The following TSPAN3 variants were observed in gnomAD, a reference collection of about 807,000 sequenced individuals.
The protein encoded by TSPAN3 is tetraspanin 3.
Under a neutral mutation model 31.1 loss-of-function variants are expected in TSPAN3, and 9 were observed. The ratio of observed to expected loss-of-function variants is 0.29; its 90% CI spans 0.17 to 0.50. The LOEUF (loss-of-function observed/expected upper bound fraction) is 0.50, where lower values mean the gene tolerates loss of function less well. TSPAN3 is among the 20% of genes least tolerant of loss of function. The pLI, the probability that TSPAN3 is intolerant of heterozygous loss-of-function variation, is 0.98. For synonymous variants in TSPAN3, 129 were observed against 114.3 expected (o/e 1.13, Z -0.82); for missense variants, 252 against 313.5 (o/e 0.80, Z 1.48).
intron 1 of TSPAN3, among the ~76,000 whole-genome samples, chr15:77,062,021 C>T (rs2076803912): frequency 6.6e-6 from 1 of 152,116 alleles, no homozygotes; most frequent in Non-Finnish European, 1.5e-5. Flanking sequence ...GCAAAAAATG[C>T]TGTACTCTAG....
In TSPAN3 at chr15:77,054,174, T is replaced by C. The variant is rs1440123551; in HGVS notation, c.432+4A>G. Reference sequence around the variant, plus strand: ...AAAAACAAATCTGCCTCAAGAAAGCTCACCTGTCTCTGTACATAATCAATA... The same window carrying C: ...AAAAACAAATCTGCCTCAAGAAAGCCCACCTGTCTCTGTACATAATCAATA... On this transcript the variant is annotated splice_donor_region_variant and intron_variant, in intron 4 of 6. Transcript: ENST00000267970. 6.2e-7 allele frequency: 1 copy of C among 1,611,598 alleles called. No homozygotes were observed. The highest frequency in any genetic ancestry group is 1.1e-5 in the South Asian group (1 of 91,004).
chr15:77,052,759 C>T lies in TSPAN3; in HGVS notation c.585+18G>A, dbSNP rs753483760. ...CAGGTTAATCAAGCTAGACTCAAGT[C>T]GTGGCCAAGAGACTCACCTCAGCAT... On this transcript the variant is annotated intron_variant, in intron 5 of 6. Transcript: ENST00000267970. The T allele has an allele frequency of 2.5e-6, 4 of 1,609,050 alleles. No homozygotes were observed. Among genetic ancestry groups the T allele is most frequent in the South Asian group, 2.2e-5 (2 of 90,926 alleles).
At chr15:77,047,078 T>C (rs897806796) in intron 6 of TSPAN3, 151 bp from the exon 7 acceptor site, 1 of 587,360 alleles carries the variant, frequency 1.7e-6, no homozygotes, top group Non-Finnish European at 3.0e-6. Flanking sequence ...GAATTTCTTA[T>C]GAGTACATTA....
Position 77,045,138 on chromosome 15 carries a change from TCTAA to T in TSPAN3, c.*1693_*1696del, listed in dbSNP as rs2076682491. On this transcript the variant is annotated 3_prime_UTR_variant, in exon 7 of 7. Transcript: ENST00000267970. Reference sequence around the variant, plus strand: ...ATGAGTCACACCCCCAGATGTGTTCTCTAACTACTCCCTAGCTCTGTGACTTTGT... The same window carrying T: ...ATGAGTCACACCCCCAGATGTGTTCTCTACTCCCTAGCTCTGTGACTTTGT... 1 of 152,190 alleles carries T rather than the reference TCTAA, an allele frequency of 6.6e-6. No homozygotes were observed. The highest frequency in any genetic ancestry group is 1.5e-5 in the Non-Finnish European group (1 of 68,054). 9.4% of individuals were successfully genotyped at this position (152,190 alleles called of 1,614,324 possible).
At chr15:77,056,886 T>C (rs145083346) in intron 1 of TSPAN3, among the ~76,000 whole-genome samples, 17 of 152,172 alleles carry the variant, frequency 1.1e-4, no homozygotes, top group Admixed American at 9.2e-4. Flanking sequence ...TTGAAGTGAA[T>C]AGGAATTGCC....
At position 77,045,481 on chromosome 15, in the gene TSPAN3, G is replaced by A. The variant is rs2076684994; in HGVS notation, c.*1354C>T. On this transcript the variant is annotated 3_prime_UTR_variant, in exon 7 of 7. Coordinates refer to ENST00000267970, the MANE Select transcript of TSPAN3 (RefSeq NM_005724.6). ...TCCAAAGAGCTGCTTCCACCTACAA[G>A]TCAGCTCTCACCTCCACAGGATGTT... The A allele has an allele frequency of 6.6e-6, 1 of 152,210 alleles. No individual in the cohort carries two copies. Among genetic ancestry groups the A allele is most frequent in the African/African-American group, 2.4e-5 (1 of 41,430 alleles). 9.4% of individuals were successfully genotyped at this position (152,210 alleles called of 1,614,324 possible). A position where few individuals can be genotyped will look rare whatever the true frequency, so the allele number is the denominator to read the frequency against.
chr15:77,054,969 A>G (rs988972571), intron 3 of TSPAN3: 4 of 152,238 alleles, frequency 2.6e-5, no homozygotes, highest in African/African-American at 9.6e-5. Context: ...TAATTACAAC[A>G]GTAATATCAT....
Position 77,046,784 on chromosome 15 carries a change from T to C in TSPAN3, c.*51A>G. 1 of 1,407,466 alleles carries C rather than the reference T, an allele frequency of 7.1e-7. No homozygotes were observed. Among genetic ancestry groups the C allele is most frequent in the East Asian group, 2.5e-5 (1 of 40,622 alleles). 87.2% of individuals were successfully genotyped at this position (1,407,466 alleles called of 1,614,324 possible). The stretch of plus-strand genomic sequence containing the variant: ...GGCCAACAGCAGCAGACCTGCTCAA[T>C]TCACCTTCCAAATCAGAACAAGACC... On this transcript the variant is annotated 3_prime_UTR_variant, in exon 7 of 7. Transcript: ENST00000267970.
chr15:77,060,947 C>T (rs1174083136), intron 1 of TSPAN3, among the ~76,000 whole-genome samples: 1 of 151,956 alleles, frequency 6.6e-6, no homozygotes, highest in Admixed American at 6.5e-5. Flanking sequence ...TTTAATAAGC[C>T]TATACTCTAA....
In TSPAN3 at chr15:77,046,915, G is replaced by C; in HGVS notation, c.682C>G (p.Leu228Val). 6.3e-7 allele frequency: 1 copy of C among 1,580,344 alleles called. No homozygotes were observed. Among genetic ancestry groups the C allele is most frequent in the Non-Finnish European group, 8.6e-7 (1 of 1,160,034 alleles). ...AFAAIQLLGMLCACIVLCRRS... is the reference protein window; with the variant it reads ...AFAAIQLLGMVCACIVLCRRS... ...CTGCACAACACGATGCAAGCACACA[G>C]CATGCCCAGCAGCTGTTGAAAGAAA... Residue 228 changes from leucine (L) to valine (V), a missense_variant, in exon 7 of 7, where the codon CTG becomes GTG. By Grantham distance (32) the Leu-to-Val change is conservative. Coordinates refer to ENST00000267970, the MANE Select transcript of TSPAN3 (RefSeq NM_005724.6).
At chr15:77,061,210 T>C (rs2076798461) in intron 1 of TSPAN3, among the ~76,000 whole-genome samples, 1 of 152,138 alleles carries the variant, frequency 6.6e-6, no homozygotes, top group African/African-American at 2.4e-5. Flanking sequence ...TCAAATATTC[T>C]ATGAAAGAGA....
chr15:77,062,993 TTA>T (rs1310963522), intron 1 of TSPAN3, among the ~76,000 whole-genome samples: 2 of 152,218 alleles, frequency 1.3e-5, no homozygotes, highest in African/African-American at 4.8e-5. Flanking sequence ...TAAAATACTT[TTA>T]GTGTCTTCTT....
At position 77,056,124 on chromosome 15, in the gene TSPAN3, G is replaced by A. The variant is rs1300318459; in HGVS notation, c.195C>T (p.Phe65=). Residue 65 remains phenylalanine (F), a synonymous_variant, in exon 2 of 7, where the codon TTC becomes TTT. Coordinates refer to ENST00000267970, the MANE Select transcript of TSPAN3 (RefSeq NM_005724.6). ...VVIIAVGALL[F]IIGLIGCCAT... ...CACAGCAGCCAATTAGCCCAATGATGAAAAGCAGGGCTCCTACAGCTATGA... is the reference window on the plus strand; with the variant it reads ...CACAGCAGCCAATTAGCCCAATGATAAAAAGCAGGGCTCCTACAGCTATGA... 3 of 1,612,676 alleles carry A rather than the reference G, an allele frequency of 1.9e-6. No homozygotes were observed. Among genetic ancestry groups the A allele is most frequent in the South Asian group, 1.1e-5 (1 of 90,780 alleles).
chr15:77,052,867 G>A lies in TSPAN3; in HGVS notation c.495C>T (p.Thr165=). 6.2e-7 allele frequency: 1 copy of A among 1,614,000 alleles called. No individual in the cohort carries two copies. The highest frequency in any genetic ancestry group is 8.5e-7 in the Non-Finnish European group (1 of 1,179,972). ...DWENTDWFKE[T]KNQSVPLSCC... is the part of the protein sequence containing the mutation. ...AGCTAAGAGGGACACTCTGGTTTTT[G>A]GTTTCTTTGAACCAATCTGTATTTT... The change falls in exon 5 of 7, where the codon ACC becomes ACT. Residue 165 remains threonine (T), a synonymous_variant. Coordinates refer to ENST00000267970, the MANE Select transcript of TSPAN3 (RefSeq NM_005724.6).
At chr15:77,060,140 T>A (rs1298864659) in intron 1 of TSPAN3, among the ~76,000 whole-genome samples, 2 of 152,134 alleles carry the variant, frequency 1.3e-5, no homozygotes, top group Non-Finnish European at 1.5e-5. Flanking sequence ...CACAACAAGA[T>A]GAGAACATAA....
chr15:77,060,823 A>G (rs553490817), intron 1 of TSPAN3, among the ~76,000 whole-genome samples: 30 of 152,360 alleles, frequency 2.0e-4, no homozygotes, highest in African/African-American at 7.2e-4. Flanking sequence ...GTGCCAGGAC[A>G]GTGTACTAAA....
At position 77,052,379 on chromosome 15, in the gene TSPAN3, G is replaced by A; in HGVS notation, c.669+6C>T. The A allele has an allele frequency of 6.2e-7, 1 of 1,614,014 alleles. No homozygotes were observed. The highest frequency in any genetic ancestry group is 8.5e-7 in the Non-Finnish European group (1 of 1,179,864). ...CCGATAGAACTCCTTGGCAAGCTGT[G>A]CTTACCTGAATAGCTGCAAATGCCA... On this transcript the variant is annotated splice_donor_region_variant and intron_variant, in intron 6 of 6. Coordinates refer to ENST00000267970, the MANE Select transcript of TSPAN3 (RefSeq NM_005724.6).
intron 1 of TSPAN3, among the ~76,000 whole-genome samples, chr15:77,069,165 T>C (rs2076851398): frequency 6.6e-6 from 1 of 152,240 alleles, no homozygotes; most frequent in Non-Finnish European, 1.5e-5. Context: ...TTTTGTGCTC[T>C]TGGGCCAGAG....
At chr15:77,063,517 G>A (rs548088066) in intron 1 of TSPAN3, 41 of 151,934 alleles carry the variant, frequency 2.7e-4, no homozygotes, top group Non-Finnish European at 4.7e-4. Context: ...CTGGCTAAGA[G>A]TTTAAAGTTC....
Sources: allele counts gnomAD v4.1 joint callset (sites outside exome capture counted in the v4.1 genomes callset), GRCh38; gene constraint gnomAD v4.1.1; transcripts MANE v1.5; gene names NCBI Gene and HGNC (gene_info 2026-07-23, HGNC 2026-07-21).